Variants in DSE observed in about 807,000 individuals in gnomAD.
The protein encoded by DSE is dermatan sulfate epimerase.
In DSE, 36 loss-of-function variants were observed where a neutral mutation model predicts 84.4. The observed-to-expected ratio is 0.43, with a 90% CI of 0.33 to 0.56. DSE has a LOEUF of 0.56. DSE is among the 20% of genes least tolerant of loss of function. The pLI is 0.06. For synonymous variants in DSE, 410 were observed against 430.1 expected (o/e 0.95, Z 0.58); for missense variants, 862 against 1,169.6 (o/e 0.74, Z 3.84).
intron 2 of DSE, among the ~76,000 whole-genome samples, chr6:116,343,006 C>T (rs2114825326): frequency 6.6e-6 from 1 of 152,298 alleles, no homozygotes; most frequent in Non-Finnish European, 1.5e-5. Flanking sequence ...TATCCTGTGC[C>T]TGGCTCCGAG....
chr6:116,271,404 A>G (rs1290504989), intron 2 of DSE, among the ~76,000 whole-genome samples: 1 of 152,222 alleles, frequency 6.6e-6, no homozygotes, highest in Non-Finnish European at 1.5e-5. Context: ...GGGTAATGGA[A>G]AGGAGCAGTT....
At chr6:116,333,714 C>G (rs182258949) in intron 2 of DSE, among the ~76,000 whole-genome samples, 216 of 152,320 alleles carry the variant, frequency 1.4e-3, no homozygotes, top group Middle Eastern at 0.01. Flanking sequence ...TCATTCTCAA[C>G]CACATATTCT....
chr6:116,296,481 T>C (rs893367440), intron 2 of DSE, among the ~76,000 whole-genome samples: 1 of 152,112 alleles, frequency 6.6e-6, no homozygotes, highest in Non-Finnish European at 1.5e-5. Flanking sequence ...CATAAAAAGA[T>C]AATTTGAAGG....
chr6:116,265,651 C>T (rs1772589929), intron 2 of DSE, among the ~76,000 whole-genome samples: 1 of 151,998 alleles, frequency 6.6e-6, no homozygotes, highest in African/African-American at 2.4e-5. Context: ...TGTGGGCCCC[C>T]AGGGAACCCG....
chr6:116,425,629 A>T (rs9320560), intron 2 of DSE, among the ~76,000 whole-genome samples: 10,642 of 46,032 alleles, frequency 0.23, 654 homozygotes, highest in Admixed American at 0.42. Flanking sequence ...ATTTTATTTT[A>T]TTTTTTTTTT....
intron 2 of DSE, among the ~76,000 whole-genome samples, chr6:116,308,409 A>G (rs1227886125): frequency 6.6e-6 from 1 of 152,218 alleles, no homozygotes; most frequent in East Asian, 1.9e-4. Flanking sequence ...ATATTTTGAT[A>G]TGAGCTGTTT....
chr6:116,293,595 T>C (rs1349669000), intron 2 of DSE, among the ~76,000 whole-genome samples: 2 of 152,184 alleles, frequency 1.3e-5, no homozygotes, highest in Non-Finnish European at 2.9e-5. Flanking sequence ...TTATGAAGTA[T>C]TGGTTGCTTT....
chr6:116,363,032 C>A (rs1161888257), intron 2 of DSE, among the ~76,000 whole-genome samples: 1 of 152,138 alleles, frequency 6.6e-6, no homozygotes, highest in Non-Finnish European at 1.5e-5. Flanking sequence ...AGTCCTAGAA[C>A]CTAGAACTTT....
chr6:116,410,764 A>AAAAGAAG (rs1554224280), intron 2 of DSE, among the ~76,000 whole-genome samples: 1 of 139,792 alleles, frequency 7.2e-6, no homozygotes, highest in African/African-American at 2.7e-5. Flanking sequence ...AAAAAAAAAA[A>AAAAGAAG]AAGAAGAAGA....
At chr6:116,270,214 G>A (rs1772821467) in intron 2 of DSE, among the ~76,000 whole-genome samples, 1 of 152,106 alleles carries the variant, frequency 6.6e-6, no homozygotes, top group Non-Finnish European at 1.5e-5. Flanking sequence ...TGCTCACCTT[G>A]AAATTACATT....
chr6:116,378,659 A>G (rs1465015954), intron 1 of DSE, among the ~76,000 whole-genome samples: 1 of 152,222 alleles, frequency 6.6e-6, no homozygotes, highest in Non-Finnish European at 1.5e-5. Context: ...TCTATATTCC[A>G]GGTATACAAC....
rs1263331184 is a variant in DSE at position 116,435,909 on chromosome 6, A to G, written c.1441A>G (p.Asn481Asp). Residue 481 changes from asparagine to aspartate, a missense_variant, in exon 6 of 6, where the codon AAC (asparagine) becomes GAC (aspartate). Asn to Asp is a conservative substitution (Grantham distance 23). This residue lies in a region of DSE where 186 missense variants were observed against 255.1 expected (regional missense o/e 0.73). Coordinates refer to ENST00000644252, the MANE Select transcript of DSE (RefSeq NM_013352.4). ...ALYGPKYTFFNNVLMFSPAVS... is the reference protein window; with the variant it reads ...ALYGPKYTFFDNVLMFSPAVS... ...GTACGGGCCAAAGTACACCTTCTTC[A>G]ACAATGTTTTGATGTTTTCCCCAGC... 1 of 1,614,102 alleles carries G rather than the reference A, an allele frequency of 6.2e-7. No individual in the cohort carries two copies. The highest frequency in any genetic ancestry group is 8.5e-7 in the Non-Finnish European group (1 of 1,180,010).
chr6:116,429,996 A>G (rs1783718048), intron 3 of DSE, among the ~76,000 whole-genome samples: 1 of 152,204 alleles, frequency 6.6e-6, no homozygotes. Context: ...GTTATTGTCA[A>G]CTAAGTGCAA....
chr6:116,279,009 A>G (rs777325662), intron 2 of DSE: 19 of 1,613,972 alleles, frequency 1.2e-5, no homozygotes, highest in South Asian at 7.7e-5. Flanking sequence ...AGCCCGGGAT[A>G]TTCTGAATGA....
At chr6:116,423,337 C>G (rs1783215223) in intron 2 of DSE, among the ~76,000 whole-genome samples, 1 of 151,802 alleles carries the variant, frequency 6.6e-6, no homozygotes, top group Non-Finnish European at 1.5e-5. Flanking sequence ...TAGGGAAAAA[C>G]TCATAAAAAT....
At chr6:116,266,768 T>G (rs191681642) in intron 2 of DSE, among the ~76,000 whole-genome samples, 1 of 152,244 alleles carries the variant, frequency 6.6e-6, no homozygotes, top group Admixed American at 6.5e-5. Context: ...TTCTTAGTGT[T>G]AACTAATGGC....
At position 116,342,077 on chromosome 6, in the gene DSE, A is replaced by AT. The variant is rs1306019122; in HGVS notation, c.-53-57114dup. Among the ~76,000 whole-genome samples, 80 of 152,146 alleles carry AT rather than the reference A, an allele frequency of 5.3e-4. 1 individual carries two copies. Among genetic ancestry groups the AT allele is most frequent in the Non-Finnish European group, 1.3e-4 (9 of 68,004 alleles). On this transcript the variant is annotated intron_variant, in intron 2 of 3. Coordinates refer to the DSE transcript ENST00000430252. ...CTGCTTTTAAAAATAGCTGCTTAAT[A>AT]TTTTTTTGTCTACAAGTTTAGCATT...
In DSE at chr6:116,436,257, A is replaced by T; in HGVS notation, c.1789A>T (p.Thr597Ser). The change falls in exon 6 of 6, where the codon ACT (threonine) becomes TCT (serine). Residue 597 changes from threonine (T) to serine (S), a missense_variant. By Grantham distance (58) the Thr-to-Ser change is moderately conservative. This residue lies in a region of DSE where 186 missense variants were observed against 255.1 expected (regional missense o/e 0.73). Coordinates refer to ENST00000644252, the MANE Select transcript of DSE (RefSeq NM_013352.4). The part of the protein sequence containing the change: ...FHNVDVPFEE[T>S]VVDGVHGAFI... ...TAATGTGGATGTTCCTTTTGAGGAG[A>T]CTGTGGTAGATGGTGTCCATGGGGC... is the stretch of plus-strand genomic sequence containing the variant. 1 of 1,614,032 alleles carries T rather than the reference A, an allele frequency of 6.2e-7. No homozygotes were observed. Among genetic ancestry groups the T allele is most frequent in the Non-Finnish European group, 8.5e-7 (1 of 1,180,000 alleles).
intron 2 of DSE, among the ~76,000 whole-genome samples, chr6:116,304,642 C>G (rs1015092167): frequency 5.3e-5 from 8 of 152,196 alleles, no homozygotes; most frequent in Non-Finnish European, 1.2e-4. Context: ...GATTGTGGCA[C>G]TGGTACAAAG....
Sources: allele counts gnomAD v4.1 joint callset (sites outside exome capture counted in the v4.1 genomes callset), GRCh38; gene constraint gnomAD v4.1.1; regional missense constraint gnomAD v4.1.1; transcripts MANE v1.5; gene names NCBI Gene and HGNC (gene_info 2026-07-23, HGNC 2026-07-21).